CBFA2T3: variants seen among roughly 807,000 people sequenced by gnomAD.
CBFA2T3 encodes CBFA2/RUNX1 partner transcriptional co-repressor 3, also known as transcriptional corepressor CBFA2T3.
In CBFA2T3, 31 loss-of-function variants were observed where a neutral mutation model predicts 58.6. That is an observed-to-expected ratio of 0.53 (90% CI 0.40 to 0.71). The LOEUF (loss-of-function observed/expected upper bound fraction) is 0.71. CBFA2T3 is among the 30% of genes least tolerant of loss of function. CBFA2T3 has a pLI of 0.00. For synonymous variants in CBFA2T3, 531 were observed against 421.9 expected (o/e 1.26, Z -3.17); for missense variants, 1,076 against 963.1 (o/e 1.12, Z -1.55).
chr16:88,895,364 G>T (rs1969843678), intron 3 of CBFA2T3, among the ~76,000 whole-genome samples: 1 of 152,204 alleles, frequency 6.6e-6, no homozygotes, highest in South Asian at 2.1e-4. Context: ...AGTGGCACCT[G>T]CGAAGTGCGC....
intron 1 of CBFA2T3, among the ~76,000 whole-genome samples, chr16:88,925,007 G>T (rs1597734449): frequency 6.6e-6 from 1 of 152,250 alleles, no homozygotes; most frequent in Admixed American, 6.5e-5. Context: ...CCGTGGCCAA[G>T]CCCAGGGCTT....
intron 1 of CBFA2T3, among the ~76,000 whole-genome samples, chr16:88,911,173 C>T (rs1970519083): frequency 6.6e-6 from 1 of 152,264 alleles, no homozygotes; most frequent in African/African-American, 2.4e-5. Flanking sequence ...TTCCTCTGGC[C>T]CCACTCACTC....
rs200950804 is a variant in CBFA2T3 at position 88,880,695 on chromosome 16, G to A, written c.1471+25C>T. ...GCCCTGGCCTCCCACAGCTCTGCTGGCCAGGCCCCTGCACCCCCACTCACC... is the reference window on the plus strand; with the variant it reads ...GCCCTGGCCTCCCACAGCTCTGCTGACCAGGCCCCTGCACCCCCACTCACC... On this transcript the variant is annotated intron_variant, in intron 10 of 11. Transcript: ENST00000268679. 9.0e-6 allele frequency: 14 copies of A among 1,549,126 alleles called. No homozygotes were observed. In the Admixed American group the frequency reaches 2.3e-4, roughly 26 times the overall value.
chr16:88,898,268 G>A (rs1422166482), intron 2 of CBFA2T3, 116 bp from the exon 3 acceptor site: 20 of 783,206 alleles, frequency 2.6e-5, no homozygotes, highest in Middle Eastern at 3.7e-4. Flanking sequence ...TGGTGGGGGC[G>A]TGGGCAGGAG....
At chr16:88,923,466 C>T (rs1196057741) in intron 1 of CBFA2T3, among the ~76,000 whole-genome samples, 1 of 152,362 alleles carries the variant, frequency 6.6e-6, no homozygotes, top group South Asian at 2.1e-4. Context: ...CCATGTTACC[C>T]GCCACATCCA....
chr16:88,907,691 C>T (rs915443986), intron 1 of CBFA2T3, among the ~76,000 whole-genome samples: 4 of 152,222 alleles, frequency 2.6e-5, no homozygotes, highest in African/African-American at 7.2e-5. Flanking sequence ...AGGGGAGGCA[C>T]CTGCCCTCCT....
intron 1 of CBFA2T3, among the ~76,000 whole-genome samples, chr16:88,924,622 A>C (rs1055626062): frequency 6.6e-6 from 1 of 152,214 alleles, no homozygotes; most frequent in Non-Finnish European, 1.5e-5. Context: ...GCAAGGCAGC[A>C]CAGGACAAGC....
chr16:88,976,989 G>T lies in CBFA2T3; in HGVS notation c.-182C>A. 1 of 628,868 alleles carries T rather than the reference G, an allele frequency of 1.6e-6. No individual in the cohort carries two copies. The highest frequency in any genetic ancestry group is 2.6e-6 in the Non-Finnish European group (1 of 379,210). The allele number at this position is 628,868 out of a possible 1,614,324, so 39.0% of individuals were successfully genotyped here. ...CCCGGCCACCAACTGGGTGTCCTCT[G>T]CCCTGGGGAGGGGGTGGGAGCCCTG... On this transcript the variant is annotated 5_prime_UTR_variant, in exon 1 of 12. Coordinates refer to ENST00000268679, the MANE Select transcript of CBFA2T3 (RefSeq NM_005187.6).
At chr16:88,942,794 T>A (rs996889568) in intron 1 of CBFA2T3, among the ~76,000 whole-genome samples, 2 of 152,176 alleles carry the variant, frequency 1.3e-5, no homozygotes, top group African/African-American at 4.8e-5. Context: ...AGACTGTGCG[T>A]AACATGGTGC....
rs1970152165 is a variant in CBFA2T3, at chr16:88,902,826, C to T, written c.152-1170G>A. On this transcript the variant is annotated intron_variant, in intron 1 of 11. Transcript: ENST00000268679. ...CAATCTGCTGAATACCGGACTGCCC[C>T]GCACCCTGCTCCTGCTGACACCTGT... 3.3e-5 allele frequency among the ~76,000 whole-genome samples: 5 copies of T among 152,204 alleles called. 1 individual carries two copies. The South Asian group carries it at 6.2e-4, about 19-fold the overall frequency.
At chr16:88,916,133 T>C (rs891089474) in intron 1 of CBFA2T3, among the ~76,000 whole-genome samples, 2 of 150,880 alleles carry the variant, frequency 1.3e-5, no homozygotes, top group South Asian at 2.1e-4. Context: ...TGCACTCACG[T>C]GTACATGTGG....
At chr16:88,975,414 C>G (rs944936714) in intron 1 of CBFA2T3, among the ~76,000 whole-genome samples, 2 of 152,238 alleles carry the variant, frequency 1.3e-5, no homozygotes, top group East Asian at 3.9e-4. Context: ...GAGCCCGTCT[C>G]TCTCCGCGCC....
intron 1 of CBFA2T3, among the ~76,000 whole-genome samples, chr16:88,917,520 C>T (rs1018047522): frequency 6.6e-6 from 1 of 152,110 alleles, no homozygotes; most frequent in Non-Finnish European, 1.5e-5. Flanking sequence ...GGATTTTCCA[C>T]CAATGAGGCG....
intron 1 of CBFA2T3, among the ~76,000 whole-genome samples, chr16:88,904,549 G>A (rs1970229683): frequency 1.3e-5 from 2 of 152,244 alleles, no homozygotes; most frequent in African/African-American, 4.8e-5. Context: ...CTTGCAAAGA[G>A]GCAGCAGGTC....
At position 88,876,537 on chromosome 16, in the gene CBFA2T3, A is replaced by G. The variant is rs1968833101; in HGVS notation, c.*439T>C. Reference sequence around the variant, plus strand: ...CCCCCCAAAATTCTTTGCTGAAAATATAAGCCACCAATTCGATTTTTTCAT... The same window carrying G: ...CCCCCCAAAATTCTTTGCTGAAAATGTAAGCCACCAATTCGATTTTTTCAT... On this transcript the variant is annotated 3_prime_UTR_variant, in exon 12 of 12. Coordinates refer to ENST00000268679, the MANE Select transcript of CBFA2T3 (RefSeq NM_005187.6). 4.2e-6 allele frequency: 1 copy of G among 240,214 alleles called. No individual in the cohort carries two copies. The highest frequency in any genetic ancestry group is 8.1e-6 in the Non-Finnish European group (1 of 123,394). 14.9% of individuals were successfully genotyped at this position (240,214 alleles called of 1,614,324 possible). A position where few individuals can be genotyped will look rare whatever the true frequency, so the allele number is the denominator to read the frequency against.
rs1971716211 is a variant in CBFA2T3, at chr16:88,941,220, C to T, written c.151+35437G>A. 5 of 965,560 alleles carry T rather than the reference C, an allele frequency of 5.2e-6. No homozygotes were observed. In the South Asian group the frequency reaches 2.4e-4, roughly 46 times the overall value. The allele number at this position is 965,560 out of a possible 1,614,324, so 59.8% of individuals were successfully genotyped here. ...GGCCGCCTGGGCCATGCCGGGGACT[C>T]GGCTCCGGCCACCCCGCGCGGGAAC... On this transcript the variant is annotated intron_variant, in intron 1 of 11. Transcript: ENST00000268679.
chr16:88,930,146 C>G (rs1362926344), intron 1 of CBFA2T3, among the ~76,000 whole-genome samples: 1 of 148,266 alleles, frequency 6.7e-6, no homozygotes, highest in Non-Finnish European at 1.5e-5. Context: ...TAAAAGCTAC[C>G]AATACCCACA....
At chr16:88,950,591 C>T (rs759528942) in intron 1 of CBFA2T3, 26 of 394,930 alleles carry the variant, frequency 6.6e-5, no homozygotes, top group Non-Finnish European at 9.3e-5. Flanking sequence ...ACCTGTCTTC[C>T]GGATCTGTTC....
intron 1 of CBFA2T3, among the ~76,000 whole-genome samples, chr16:88,971,301 G>T (rs1390892596): frequency 6.6e-6 from 1 of 152,176 alleles, no homozygotes; most frequent in African/African-American, 2.4e-5. Flanking sequence ...CTAGAGGCAG[G>T]GTTTTGCCAT....
Sources: allele counts gnomAD v4.1 joint callset (sites outside exome capture counted in the v4.1 genomes callset), GRCh38; gene constraint gnomAD v4.1.1; transcripts MANE v1.5; gene names NCBI Gene and HGNC (gene_info 2026-07-23, HGNC 2026-07-21).